Variants in UTP4 observed in about 807,000 individuals in gnomAD.
UTP4 encodes the protein UTP4 small subunit processome component.
UTP4 carries 45 observed loss-of-function variants against 82.4 expected under a neutral mutation model. That is an observed-to-expected ratio of 0.55 (90% CI 0.43 to 0.70). The LOEUF is 0.70. Ranked by LOEUF, UTP4 falls within the 30% of genes least tolerant of loss-of-function variation. UTP4 has a pLI of 0.00. For missense variants in UTP4, 819 were observed against 858.3 expected, an observed-to-expected ratio of 0.95 and a Z score of 0.57; for synonymous variants, 348 against 300.3, an observed-to-expected ratio of 1.16 and a Z score of -1.64.
At chr16:69,161,493 A>G (rs545010234) in intron 13 of UTP4, among the ~76,000 whole-genome samples, 1 of 152,328 alleles carries the variant, frequency 6.6e-6, no homozygotes, top group African/African-American at 2.4e-5. Flanking sequence ...ATGCTTTGCA[A>G]TTGTACATAA....
At chr16:69,163,011 C>G in intron 13 of UTP4, 72 bp from the exon 14 acceptor site, 1 of 1,191,044 alleles carries the variant, frequency 8.4e-7, no homozygotes, top group Non-Finnish European at 1.3e-6. Context: ...AACCCCTGAC[C>G]TAGACCATTC....
At chr16:69,143,487 C>G (rs1346588080) in intron 6 of UTP4, 98 bp downstream of exon 6, 5 of 1,052,594 alleles carry the variant, frequency 4.8e-6, no homozygotes, top group Non-Finnish European at 5.8e-6. Flanking sequence ...GGTTCCTGAT[C>G]CTGATGTTGT....
intron 12 of UTP4, among the ~76,000 whole-genome samples, chr16:69,157,567 A>G (rs1210119500): frequency 1.3e-5 from 2 of 152,192 alleles, no homozygotes; most frequent in East Asian, 3.8e-4. Flanking sequence ...AATAGCTACC[A>G]TTAATATTTT....
rs1194497425 is a variant in UTP4 at position 69,164,600 on chromosome 16, ATATATATATATATATG to A, written c.1648-729_1648-714del. Among the ~76,000 whole-genome samples, 5 of 144,218 alleles carry A rather than the reference ATATATATATATATATG, an allele frequency of 3.5e-5. No homozygotes were observed. The East Asian group carries it at 7.9e-4, about 23-fold the overall frequency. The allele number at this position is 144,218 out of a possible 152,430, so 94.6% of individuals were successfully genotyped here. A position where few individuals can be genotyped will look rare whatever the true frequency, so the allele number is the denominator to read the frequency against. ...CTAATCATTCTTTATATATATATAT[ATATATATATATATATG>A]TATATATATATCTGTATATAGATAT... is the stretch of plus-strand genomic sequence containing the variant. On this transcript the variant is annotated intron_variant, in intron 14 of 16. Transcript: ENST00000314423.
intron 13 of UTP4, among the ~76,000 whole-genome samples, chr16:69,162,113 G>A (rs753839220): frequency 3.3e-5 from 5 of 151,848 alleles, no homozygotes; most frequent in African/African-American, 9.7e-5. Flanking sequence ...GATTACAGGT[G>A]CACGCCACCA....
intron 4 of UTP4, among the ~76,000 whole-genome samples, chr16:69,138,672 C>T (rs1053900728): frequency 1.3e-5 from 2 of 152,236 alleles, no homozygotes; most frequent in Non-Finnish European, 2.9e-5. Flanking sequence ...CAGACTGTTT[C>T]TGTAAAGGAC....
At chr16:69,146,552 T>G (rs982792522) in intron 6 of UTP4, among the ~76,000 whole-genome samples, 1 of 152,196 alleles carries the variant, frequency 6.6e-6, no homozygotes, top group Non-Finnish European at 1.5e-5. Context: ...TTTCCATCTT[T>G]CGGCTGTTGT....
intron 6 of UTP4, among the ~76,000 whole-genome samples, chr16:69,144,143 C>T (rs1963043990): frequency 6.6e-6 from 1 of 152,094 alleles, no homozygotes; most frequent in Admixed American, 6.5e-5. Context: ...CCACCTCGGC[C>T]TCCCAAAGTG....
In UTP4 at chr16:69,157,321, G is replaced by T. The variant is rs186572309; in HGVS notation, c.1444+81G>T. The T allele has an allele frequency of 2.1e-4, 303 of 1,425,238 alleles. 3 individuals are homozygous for T. In the East Asian group the frequency reaches 7.1e-3, roughly 34 times the overall value. The allele number at this position is 1,425,238 out of a possible 1,614,324, so 88.3% of individuals were successfully genotyped here. On this transcript the variant is annotated intron_variant, in intron 12 of 16. Transcript: ENST00000314423. The stretch of plus-strand genomic sequence containing the variant: ...TTTGCTTTTAAGCCTCCATGTCGGG[G>T]GTTCCCTCATGTTCCTCCTACCCTG...
At chr16:69,163,263 T>C (rs1963610885) in intron 14 of UTP4, 85 bp downstream of exon 14, 17 of 1,097,214 alleles carry the variant, frequency 1.5e-5, no homozygotes, top group Non-Finnish European at 4.2e-6. Flanking sequence ...CGGGGAGCTT[T>C]TTTTTGAAGG....
At chr16:69,139,969 T>G in intron 5 of UTP4, 55 bp downstream of exon 5, 1 of 1,309,360 alleles carries the variant, frequency 7.6e-7, no homozygotes, top group Non-Finnish European at 1.1e-6. Flanking sequence ...TTCACATTTC[T>G]GAGTTTTCAA....
intron 8 of UTP4, among the ~76,000 whole-genome samples, chr16:69,152,410 C>T (rs1048953965): frequency 5.9e-5 from 9 of 151,788 alleles, no homozygotes; most frequent in African/African-American, 1.7e-4. Flanking sequence ...ATCAGCCTCC[C>T]GAGTTGCTGG....
At chr16:69,141,399 T>G (rs1962954545) in intron 5 of UTP4, among the ~76,000 whole-genome samples, 1 of 152,268 alleles carries the variant, frequency 6.6e-6, no homozygotes, top group African/African-American at 2.4e-5. Flanking sequence ...TCTGAAGCCC[T>G]GGCTCCGCTG....
chr16:69,148,061 T>C (rs1289057584), intron 6 of UTP4, among the ~76,000 whole-genome samples: 1 of 152,102 alleles, frequency 6.6e-6, no homozygotes, highest in Non-Finnish European at 1.5e-5. Flanking sequence ...TCACGCCCCA[T>C]TCTCCTGCCT....
rs925989031 is a variant in UTP4, at chr16:69,154,852, C to A, written c.1164+395C>A. 2.0e-5 allele frequency among the ~76,000 whole-genome samples: 3 copies of A among 152,136 alleles called. No individual in the cohort carries two copies. In the South Asian group the frequency reaches 6.2e-4, roughly 32 times the overall value. On this transcript the variant is annotated intron_variant, in intron 10 of 16. Coordinates refer to ENST00000314423, the MANE Select transcript of UTP4 (RefSeq NM_032830.3). ...CAAGCGATTCTCCTGCTTTAGCCCC[C>A]CAAGTAGCTGGGATTACATGCATGC...
chr16:69,162,156 A>T (rs1963579954), intron 13 of UTP4, among the ~76,000 whole-genome samples: 1 of 151,514 alleles, frequency 6.6e-6, no homozygotes, highest in East Asian at 2.0e-4. Context: ...TTTGGTAGAG[A>T]TGGGGTTTCA....
intron 10 of UTP4, 75 bp downstream of exon 10, chr16:69,154,532 G>A (rs2152281419): frequency 2.7e-6 from 3 of 1,108,680 alleles, no homozygotes; most frequent in South Asian, 2.5e-5. Flanking sequence ...GAATTTTGAG[G>A]TTACTTAGTT....
At chr16:69,167,240 TG>T in intron 16 of UTP4, 55 bp downstream of exon 16, 2 of 1,128,962 alleles carry the variant, frequency 1.8e-6, no homozygotes, top group Non-Finnish European at 2.7e-6. Context: ...GATACCAAAA[TG>T]TAATAAACTC....
chr16:69,132,733 G>C (rs1356353662), intron 1 of UTP4, 44 bp downstream of exon 1: 3 of 254,402 alleles, frequency 1.2e-5, no homozygotes, highest in Non-Finnish European at 2.4e-5. Context: ...GAGAGCTGGG[G>C]GGGTCTTACA....
Sources: gnomAD v4.1 joint callset for allele counts (sites outside exome capture counted in the v4.1 genomes callset) on GRCh38, gnomAD v4.1.1 for gene constraint, MANE v1.5 for transcripts, NCBI Gene and HGNC (gene_info 2026-07-23, HGNC 2026-07-21) for gene names.